Variants in FKBP15 observed in about 807,000 individuals in gnomAD.
FKBP15 encodes FKBP prolyl isomerase family member 15.
A neutral mutation model predicts 158.1 loss-of-function variants in FKBP15; 106 were observed. The observed-to-expected ratio is 0.67, with a 90% CI of 0.57 to 0.79. The LOEUF is 0.79. Ranked by LOEUF, FKBP15 falls within the 30% of genes least tolerant of loss-of-function variation. FKBP15 has a pLI of 0.00. For missense variants in FKBP15, 1,287 were observed against 1,479.1 expected (o/e 0.87, Z 2.13); for synonymous variants, 547 against 548.6 (o/e 1.00, Z 0.04).
Position 113,163,811 on chromosome 9 carries a change from T to C in FKBP15, c.*2267A>G, listed in dbSNP as rs924050425. ...CTTCTATGCAGAACAAAAAGCTGCA[T>C]CTAATAATGTTCAATACTTAATATT... On this transcript the variant is annotated 3_prime_UTR_variant, in exon 28 of 28. Transcript: ENST00000238256. 2.6e-5 allele frequency: 4 copies of C among 152,644 alleles called. No homozygotes were observed. The highest frequency in any genetic ancestry group is 5.9e-5 in the Non-Finnish European group (4 of 68,050). The allele number at this position is 152,644 out of a possible 1,614,324, so 9.5% of individuals were successfully genotyped here.
intron 1 of FKBP15, among the ~76,000 whole-genome samples, chr9:113,213,503 G>A (rs1831057224): frequency 6.6e-6 from 1 of 151,840 alleles, no homozygotes; most frequent in African/African-American, 2.4e-5. Flanking sequence ...GAGCCCAGGA[G>A]TTTGAGACTA....
chr9:113,171,733 G>T (rs771288600), intron 23 of FKBP15, 27 bp from the exon 24 acceptor site: 1 of 1,317,110 alleles, frequency 7.6e-7, no homozygotes, highest in South Asian at 1.6e-5. Context: ...CTGTGGCTGT[G>T]GCCTCAGGAA....
Position 113,161,819 on chromosome 9 carries a change from G to C in FKBP15, c.*4259C>G, listed in dbSNP as rs1478887727. 8.8e-7 allele frequency: 1 copy of C among 1,134,908 alleles called. No homozygotes were observed. 70.3% of individuals were successfully genotyped at this position (1,134,908 alleles called of 1,614,324 possible). A position where few individuals can be genotyped will look rare whatever the true frequency, so the allele number is the denominator to read the frequency against. On this transcript the variant is annotated 3_prime_UTR_variant, in exon 28 of 28. Transcript: ENST00000238256. ...ACAGCGAGGCCCAGGGAAGGACCAGGACTTGCCAAAGTGGCTACACATAGC... is the reference window on the plus strand; with the variant it reads ...ACAGCGAGGCCCAGGGAAGGACCAGCACTTGCCAAAGTGGCTACACATAGC...
intron 2 of FKBP15, among the ~76,000 whole-genome samples, 158 bp downstream of exon 2, chr9:113,211,319 T>C (rs776883065): frequency 6.6e-6 from 1 of 152,080 alleles, no homozygotes; most frequent in Non-Finnish European, 1.5e-5. Context: ...CCACCACACC[T>C]GGCTAATTTT....
chr9:113,184,242 AGGATG>A lies in FKBP15; in HGVS notation c.1716+45_1716+49del, dbSNP rs756089427. 1 of 1,286,396 alleles carries A rather than the reference AGGATG, an allele frequency of 7.8e-7. No homozygotes were observed. The highest frequency in any genetic ancestry group is 1.3e-5 in the South Asian group (1 of 78,598). 79.7% of individuals were successfully genotyped at this position (1,286,396 alleles called of 1,614,324 possible). ...TAAAGAGTAGTACCTCTGAGAAGAGAGGATGGGTAAGACCTTCAGCCTGAGTGGTA... is the reference window on the plus strand; with the variant it reads ...TAAAGAGTAGTACCTCTGAGAAGAGAGGTAAGACCTTCAGCCTGAGTGGTA... On this transcript the variant is annotated intron_variant, in intron 17 of 27. Transcript: ENST00000238256. The surrounding 1 kb of genome is among the most constrained non-coding windows in gnomAD (Gnocchi z 4.5).
At chr9:113,168,277 G>A (rs957083949) in intron 27 of FKBP15, among the ~76,000 whole-genome samples, 183 bp downstream of exon 27, 2 of 152,134 alleles carry the variant, frequency 1.3e-5, no homozygotes, top group Non-Finnish European at 2.9e-5. Context: ...GTATGTGACC[G>A]TCCCCTACTC....
Position 113,207,303 on chromosome 9 carries a change from A to G in FKBP15, c.170-7T>C. On this transcript the variant is annotated splice_polypyrimidine_tract_variant and splice_region_variant and intron_variant, in intron 2 of 27. Coordinates refer to ENST00000238256, the MANE Select transcript of FKBP15 (RefSeq NM_015258.2). ...TTTGGTGTTGCCTGATTTCCTGAAG[A>G]TGAACAAGAAAACAAAGTTGTCATT... 1.3e-6 allele frequency: 2 copies of G among 1,590,582 alleles called. No individual in the cohort carries two copies. Among genetic ancestry groups the G allele is most frequent in the Non-Finnish European group, 1.7e-6 (2 of 1,169,934 alleles).
chr9:113,195,300 G>C (rs1246998823), intron 9 of FKBP15, among the ~76,000 whole-genome samples: 2 of 152,078 alleles, frequency 1.3e-5, no homozygotes, highest in Non-Finnish European at 2.9e-5. Flanking sequence ...TGCCACATGG[G>C]GTATGATTCT....
chr9:113,168,964 A>G (rs1022701440), intron 26 of FKBP15, among the ~76,000 whole-genome samples: 3 of 151,720 alleles, frequency 2.0e-5, no homozygotes, highest in Non-Finnish European at 2.9e-5. Flanking sequence ...CTACCACACT[A>G]TCACAGGGCC....
At position 113,169,559 on chromosome 9, in the gene FKBP15, G is replaced by A; in HGVS notation, c.3150C>T (p.Gly1050=). Residue 1050 remains glycine (G), a synonymous_variant, in exon 26 of 28, where the codon GGC becomes GGT. Transcript: ENST00000238256. ...PPTSIPPEPL[G]PVSMDSECEE... ...CACACTCAGAGTCCATGGATACAGG[G>A]CCTAGGGGCTCAGGTGGAATTGAAG... The A allele has an allele frequency of 6.2e-7, 1 of 1,614,052 alleles. No homozygotes were observed.
In FKBP15 at chr9:113,163,521, C is replaced by CA. The variant is rs916642859; in HGVS notation, c.*2556dup. On this transcript the variant is annotated 3_prime_UTR_variant, in exon 28 of 28. Transcript: ENST00000238256. ...TAGTTGGCAATTTTGCACATTCATACAAAAAAATTTTTAATGAAATGATTT... is the reference window on the plus strand; with the variant it reads ...TAGTTGGCAATTTTGCACATTCATACAAAAAAAATTTTTAATGAAATGATTT... The CA allele has an allele frequency of 6.6e-6, 1 of 152,566 alleles. No individual in the cohort carries two copies. Among genetic ancestry groups the CA allele is most frequent in the Non-Finnish European group, 1.5e-5 (1 of 68,014 alleles). 9.5% of individuals were successfully genotyped at this position (152,566 alleles called of 1,614,324 possible).
At position 113,176,567 on chromosome 9, in the gene FKBP15, GT is replaced by G; in HGVS notation, c.2192del (p.Asp731AlafsTer31). The G allele has an allele frequency of 6.4e-7, 1 of 1,564,496 alleles. No individual in the cohort carries two copies. ...CCAAGGACTCCTTCTCAACTCGAAG[GT>G]CAGTCAGTTCCTCCTCCAGGGATGT... Reference protein sequence around the residue: ...KVTSLEEELTDLRVEKESLEK... With the variant: ...KVTSLEEELTXLRVEKESLEK... On this transcript the variant is annotated frameshift_variant, in exon 21 of 28. Transcript: ENST00000238256. LOFTEE classifies it high-confidence loss of function.
At position 113,211,491 on chromosome 9, in the gene FKBP15, C is replaced by A; in HGVS notation, c.155G>T (p.Gly52Val). 3 of 1,607,642 alleles carry A rather than the reference C, an allele frequency of 1.9e-6. No homozygotes were observed. In the South Asian group the frequency reaches 3.4e-5, roughly 18 times the overall value. The change falls in exon 2 of 28, where the codon GGA becomes GTA. Residue 52 changes from glycine to valine, a missense_variant. Gly to Val is a moderately radical substitution (Grantham distance 109, BLOSUM62 -3). Coordinates refer to ENST00000238256, the MANE Select transcript of FKBP15 (RefSeq NM_015258.2). ...TAPKQPKKGQ[G>V]TAATGNQATP... ...TCTTAACTTACCTGTTGCTGCCGTT[C>A]CCTGGCCTTTCTTAGGCTGTTTTGG...
chr9:113,166,063 C>T lies in FKBP15; in HGVS notation c.*15G>A. 1 of 1,611,390 alleles carries T rather than the reference C, an allele frequency of 6.2e-7. No homozygotes were observed. The highest frequency in any genetic ancestry group is 8.5e-7 in the Non-Finnish European group (1 of 1,178,752). ...AAGGGTTGCAGAGAAACCTTTGCAC[C>T]AGTTTCCTGGGTCTTCATCCCAGCC... On this transcript the variant is annotated 3_prime_UTR_variant, in exon 28 of 28. Transcript: ENST00000238256.
intron 7 of FKBP15, among the ~76,000 whole-genome samples, chr9:113,199,239 G>A (rs947033414): frequency 1.3e-5 from 2 of 152,096 alleles, no homozygotes; most frequent in Admixed American, 6.5e-5. Flanking sequence ...TAACCCTGCC[G>A]AGTAAGCAGA....
intron 26 of FKBP15, 79 bp downstream of exon 26, chr9:113,169,145 G>C: frequency 6.7e-7 from 1 of 1,495,888 alleles, no homozygotes; most frequent in Non-Finnish European, 8.9e-7. Flanking sequence ...TGAGGGATGA[G>C]TTGCCAGCCC....
At chr9:113,193,140 A>G (rs929603621) in intron 11 of FKBP15, among the ~76,000 whole-genome samples, 1 of 152,212 alleles carries the variant, frequency 6.6e-6, no homozygotes, top group African/African-American at 2.4e-5. Context: ...TCTCAAGGCC[A>G]CATGCTTATA....
At chr9:113,207,051 C>A in intron 3 of FKBP15, 161 bp downstream of exon 3, 1 of 611,820 alleles carries the variant, frequency 1.6e-6, no homozygotes, top group Non-Finnish European at 2.9e-6. Flanking sequence ...CAAGTTTTAC[C>A]ACAGAAATCT....
intron 19 of FKBP15, among the ~76,000 whole-genome samples, chr9:113,180,036 C>T (rs1331255101): frequency 1.3e-5 from 2 of 152,172 alleles, no homozygotes; most frequent in Non-Finnish European, 2.9e-5. Flanking sequence ...CTATTCATAG[C>T]TCAGAGTTCA....
Sources: gnomAD v4.1 joint callset for allele counts (sites outside exome capture counted in the v4.1 genomes callset) on GRCh38, gnomAD v4.1.1 for gene constraint, Gnocchi (gnomAD v3.1) non-coding constraint, MANE v1.5 for transcripts, NCBI Gene and HGNC (gene_info 2026-07-23, HGNC 2026-07-21) for gene names.